Variants in SLC38A1 observed in about 807,000 individuals in gnomAD.
SLC38A1 encodes sodium-coupled neutral amino acid symporter 1.
In SLC38A1, 18 loss-of-function variants were observed where a neutral mutation model predicts 60.3. The observed-to-expected ratio is 0.30, with a 90% confidence interval of 0.21 to 0.44. The LOEUF (loss-of-function observed/expected upper bound fraction) is 0.44. Among genes scored for constraint, SLC38A1 ranks in the 20% least tolerant of loss-of-function variants. The pLI, the probability that SLC38A1 is intolerant of heterozygous loss-of-function variation, is 1.00. For synonymous variants in SLC38A1, 196 were observed against 212.1 expected (o/e 0.92, Z 0.66); for missense variants, 448 against 587.2 (o/e 0.76, Z 2.45).
chr12:46,223,152 C>T (rs1033568897), intron 5 of SLC38A1, among the ~76,000 whole-genome samples: 27 of 152,156 alleles, frequency 1.8e-4, no homozygotes, highest in African/African-American at 5.6e-4. Flanking sequence ...TTTTAGATCA[C>T]GCTGGCTCTA....
At chr12:46,259,004 T>C (rs1446074995) in intron 1 of SLC38A1, among the ~76,000 whole-genome samples, 3 of 152,190 alleles carry the variant, frequency 2.0e-5, no homozygotes, top group Admixed American at 1.3e-4. Context: ...TATTGTATTA[T>C]ATATATGGGA....
rs1297605997 is a variant in SLC38A1, at chr12:46,186,959, G to A, written c.*2011C>T. 6.6e-6 allele frequency: 1 copy of A among 152,164 alleles called. No homozygotes were observed. The highest frequency in any genetic ancestry group is 1.5e-5 in the Non-Finnish European group (1 of 68,024). The allele number at this position is 152,164 out of a possible 1,614,324, so 9.4% of individuals were successfully genotyped here. ...CTAGACAAGCTCCCAAGAACTGACT[G>A]GATCTTGGCTTGTTCTGTTTCTGTC... On this transcript the variant is annotated 3_prime_UTR_variant, in exon 17 of 17. Transcript: ENST00000398637.
At chr12:46,244,117 A>C (rs1941536874) in intron 1 of SLC38A1, among the ~76,000 whole-genome samples, 1 of 152,240 alleles carries the variant, frequency 6.6e-6, no homozygotes, top group African/African-American at 2.4e-5. Context: ...GTTCAGAGAC[A>C]CACATACCTA....
intron 5 of SLC38A1, among the ~76,000 whole-genome samples, chr12:46,223,581 C>G (rs549580088): frequency 6.6e-6 from 1 of 152,122 alleles, no homozygotes; most frequent in Admixed American, 6.5e-5. Context: ...TTATCTTTTT[C>G]ACTCCCACAA....
intron 1 of SLC38A1, among the ~76,000 whole-genome samples, chr12:46,266,034 A>C (rs1194625210): frequency 6.6e-6 from 1 of 152,216 alleles, no homozygotes; most frequent in African/African-American, 2.4e-5. Flanking sequence ...AAGGAGAAGC[A>C]GAGAAGAAAA....
chr12:46,236,447 A>G (rs1377469120), intron 3 of SLC38A1, among the ~76,000 whole-genome samples: 1 of 152,132 alleles, frequency 6.6e-6, no homozygotes, highest in African/African-American at 2.4e-5. Flanking sequence ...CAACAATCCC[A>G]TGAGGAAAGG....
At chr12:46,262,616 T>C (rs1214349304) in intron 1 of SLC38A1, among the ~76,000 whole-genome samples, 1 of 152,246 alleles carries the variant, frequency 6.6e-6, no homozygotes, top group Non-Finnish European at 1.5e-5. Flanking sequence ...AGGATTGCTA[T>C]TGTACTAAAA....
intron 13 of SLC38A1, among the ~76,000 whole-genome samples, chr12:46,200,384 T>C (rs11183392): frequency 0.01 from 1,585 of 151,686 alleles, 26 homozygotes; most frequent in African/African-American, 0.034. Context: ...TATATATATA[T>C]ACACACACAT....
chr12:46,239,762 C>T lies in SLC38A1; in HGVS notation c.39G>A (p.Leu13=), dbSNP rs1941382738. The T allele has an allele frequency of 6.2e-7, 1 of 1,613,250 alleles. No individual in the cohort carries two copies. Among genetic ancestry groups the T allele is most frequent in the Non-Finnish European group, 8.5e-7 (1 of 1,179,896 alleles). ...CATCCTCGGGCACTGTCATGTTTTG[C>T]AACTCAGTTAATTCGAGTCCACTTT... is the stretch of plus-strand genomic sequence containing the variant. ...HFKSGLELTE[L]QNMTVPEDDN... The change falls in exon 3 of 17, where the codon TTG becomes TTA. Residue 13 remains leucine (L), a synonymous_variant. Coordinates refer to ENST00000398637, the MANE Select transcript of SLC38A1 (RefSeq NM_030674.4).
At chr12:46,237,377 G>C (rs1490447968) in intron 3 of SLC38A1, among the ~76,000 whole-genome samples, 2 of 152,018 alleles carry the variant, frequency 1.3e-5, no homozygotes, top group African/African-American at 4.8e-5. Context: ...AATTGGCAAG[G>C]GTCTTTTTCT....
chr12:46,208,119 A>G (rs901699637), intron 6 of SLC38A1, among the ~76,000 whole-genome samples: 1 of 152,222 alleles, frequency 6.6e-6, no homozygotes, highest in African/African-American at 2.4e-5. Flanking sequence ...GCTTAGAAAC[A>G]TTTTAATAGC....
At chr12:46,197,353 A>G in intron 16 of SLC38A1, 1 of 174,058 alleles carries the variant, frequency 5.7e-6, no homozygotes, top group Non-Finnish European at 1.2e-5. Flanking sequence ...AAAAGAAAAA[A>G]GAAAAAAAAT....
intron 12 of SLC38A1, among the ~76,000 whole-genome samples, 166 bp downstream of exon 12, chr12:46,202,844 T>A (rs1159000172): frequency 6.6e-6 from 1 of 152,256 alleles, no homozygotes; most frequent in Non-Finnish European, 1.5e-5. Context: ...TCTTGTTTCT[T>A]AAAATACAAT....
At chr12:46,242,080 C>T (rs531811941) in intron 2 of SLC38A1, among the ~76,000 whole-genome samples, 62 of 152,058 alleles carry the variant, frequency 4.1e-4, no homozygotes, top group Admixed American at 1.4e-3. Flanking sequence ...CACGCGTGCA[C>T]GTGTGTAAAA....
chr12:46,258,809 A>T (rs1942112189), intron 1 of SLC38A1, among the ~76,000 whole-genome samples: 1 of 152,182 alleles, frequency 6.6e-6, no homozygotes, highest in African/African-American at 2.4e-5. Flanking sequence ...ACATGCCACC[A>T]TGCCCAGCTA....
chr12:46,213,362 A>G (rs1326614469), intron 5 of SLC38A1, among the ~76,000 whole-genome samples: 1 of 152,094 alleles, frequency 6.6e-6, no homozygotes, highest in Non-Finnish European at 1.5e-5. Flanking sequence ...CCAGTCCTAT[A>G]TTTATTTACA....
intron 16 of SLC38A1, among the ~76,000 whole-genome samples, chr12:46,194,331 A>C (rs575147565): frequency 2.4e-4 from 37 of 152,208 alleles, no homozygotes; most frequent in Non-Finnish European, 4.4e-4. Flanking sequence ...TTCCTTTTGT[A>C]GGTAACCCAA....
At chr12:46,266,333 T>TA (rs1395146453) in intron 1 of SLC38A1, among the ~76,000 whole-genome samples, 3 of 152,130 alleles carry the variant, frequency 2.0e-5, no homozygotes, top group Non-Finnish European at 4.4e-5. Flanking sequence ...TGAAGCATCA[T>TA]AAAAAATATA....
At chr12:46,267,968 C>T (rs1465387727) in intron 1 of SLC38A1, among the ~76,000 whole-genome samples, 1 of 152,182 alleles carries the variant, frequency 6.6e-6, no homozygotes, top group East Asian at 1.9e-4. Flanking sequence ...TACAGAGGGG[C>T]AGAGCACCAG....
Sources: allele counts gnomAD v4.1 joint callset (sites outside exome capture counted in the v4.1 genomes callset), GRCh38; gene constraint gnomAD v4.1.1; transcripts MANE v1.5; gene names NCBI Gene and HGNC (gene_info 2026-07-23, HGNC 2026-07-21).